The following MUC5B variants were observed in gnomAD, a reference collection of about 807,000 sequenced individuals.
MUC5B encodes the protein mucin 5B, oligomeric mucus/gel-forming, also known as mucin-5B.
A neutral mutation model predicts 376.9 loss-of-function variants in MUC5B; 116 were observed. The observed-to-expected ratio is 0.31, with a 90% CI of 0.26 to 0.36. MUC5B has a LOEUF of 0.36. MUC5B is among the 10% of genes least tolerant of loss of function. MUC5B has a pLI of 1.00. For synonymous variants in MUC5B, 3,517 were observed against 3,390.9 expected (o/e 1.04, Z -1.29); for missense variants, 7,165 against 7,769.9 (o/e 0.92, Z 2.93).
rs541165321 is a variant in MUC5B at position 1,240,036 on chromosome 11, C to T, written c.3729-9C>T. The T allele has an allele frequency of 3.2e-6, 5 of 1,584,638 alleles. No individual in the cohort carries two copies. Among genetic ancestry groups the T allele is most frequent in the East Asian group, 2.2e-5 (1 of 44,644 alleles). On this transcript the variant is annotated splice_polypyrimidine_tract_variant and intron_variant, in intron 28 of 48. Transcript: ENST00000529681. ...CCAGGCCCTCAGCTCGCCTCTCCCC[C>T]ACCCCTAGTAACTGCACACCCAGTG...
chr11:1,261,205 C>G (rs1355328259), intron 48 of MUC5B, among the ~76,000 whole-genome samples, 184 bp from the exon 49 acceptor site: 2 of 152,198 alleles, frequency 1.3e-5, no homozygotes, highest in Non-Finnish European at 2.9e-5. Flanking sequence ...GCCAAGGGAC[C>G]CTGGGGGCCC....
rs567562795 is a variant in MUC5B, at chr11:1,241,355, C to T, written c.4475C>T (p.Thr1492Met). The change falls in exon 31 of 49, where the codon ACG becomes ATG. Residue 1492 changes from threonine (T) to methionine (M), a missense_variant. Physicochemically the swap from Thr to Met is moderately conservative, Grantham distance 81. Transcript: ENST00000529681. ...ACTGGGTCCAGCTCAGGCCCCGTGA[C>T]GGTCACCCCCTCGGCCCCAGGTACC... ...SQTGSSSGPV[T>M]VTPSAPGTTT... The T allele has an allele frequency of 4.7e-5, 76 of 1,612,326 alleles. No homozygotes were observed. The Middle Eastern group carries it at 9.9e-4, about 21-fold the overall frequency.
intron 14 of MUC5B, among the ~76,000 whole-genome samples, 173 bp from the exon 15 acceptor site, chr11:1,231,823 G>A (rs1020442928): frequency 2.6e-5 from 4 of 152,184 alleles, no homozygotes; most frequent in Non-Finnish European, 5.9e-5. Flanking sequence ...CACAGGGGCC[G>A]ACTGCACAGG....
In MUC5B at chr11:1,244,647, C is replaced by A; in HGVS notation, c.7767C>A (p.Ala2589=). 1 of 1,613,676 alleles carries A rather than the reference C, an allele frequency of 6.2e-7. No homozygotes were observed. The highest frequency in any genetic ancestry group is 8.5e-7 in the Non-Finnish European group (1 of 1,179,764). Residue 2589 remains alanine, a synonymous_variant, in exon 31 of 49, where the codon GCC becomes GCA. Transcript: ENST00000529681. ...CCACCACGGCCACCACAACCGGGGCCACCGGCTCTGTGGCCACCCCCTCCT... is the reference window on the plus strand; with the variant it reads ...CCACCACGGCCACCACAACCGGGGCAACCGGCTCTGTGGCCACCCCCTCCT... ...VLTTTATTTG[A]TGSVATPSST... is the part of the protein sequence containing the mutation.
Position 1,244,980 on chromosome 11 carries a change from C to G in MUC5B, c.8100C>G (p.Thr2700=), listed in dbSNP as rs372945079. Residue 2700 remains threonine, a synonymous_variant, in exon 31 of 49, where the codon ACC becomes ACG. Coordinates refer to ENST00000529681, the MANE Select transcript of MUC5B (RefSeq NM_002458.3). ...LTTTATTITA[T]GSTTNPSSTP... is the part of the protein sequence containing the mutation. ...CCACGGCCACTACGATCACGGCCACCGGCTCCACCACCAACCCCTCCTCAA... is the reference window on the plus strand; with the variant it reads ...CCACGGCCACTACGATCACGGCCACGGGCTCCACCACCAACCCCTCCTCAA... 3 of 1,557,218 alleles carry G rather than the reference C, an allele frequency of 1.9e-6. No individual in the cohort carries two copies. The highest frequency in any genetic ancestry group is 2.6e-6 in the Non-Finnish European group (3 of 1,150,588).
chr11:1,242,280 C>G lies in MUC5B; in HGVS notation c.5400C>G (p.Thr1800=), dbSNP rs908353113. 11 of 1,613,804 alleles carry G rather than the reference C, an allele frequency of 6.8e-6. No individual in the cohort carries two copies. In the African/African-American group the frequency reaches 1.2e-4, roughly 18 times the overall value. ...WTEWFDVDFP[T]SGVAGGDMET... ...AGTGGTTTGACGTGGACTTCCCAAC[C>G]TCAGGGGTTGCAGGCGGGGACATGG... is the stretch of plus-strand genomic sequence containing the variant. The change falls in exon 31 of 49, where the codon ACC becomes ACG. Residue 1800 remains threonine (T), a synonymous_variant. Coordinates refer to ENST00000529681, the MANE Select transcript of MUC5B (RefSeq NM_002458.3).
chr11:1,252,325 T>C lies in MUC5B; in HGVS notation c.14864-18T>C, dbSNP rs773805977. On this transcript the variant is annotated intron_variant, in intron 31 of 48. Transcript: ENST00000529681. ...TCTCTGGGAGTGGCTTATCTTTCTA[T>C]GGTGTTGTTCTTCACAGGGGAAGTC... 2 of 1,528,918 alleles carry C rather than the reference T, an allele frequency of 1.3e-6. No individual in the cohort carries two copies. Among genetic ancestry groups the C allele is most frequent in the Non-Finnish European group, 1.8e-6 (2 of 1,136,324 alleles). 94.7% of individuals were successfully genotyped at this position (1,528,918 alleles called of 1,614,324 possible). A position where few individuals can be genotyped will look rare whatever the true frequency, so the allele number is the denominator to read the frequency against.
In MUC5B at chr11:1,246,393, C is replaced by A; in HGVS notation, c.9513C>A (p.Ala3171=). The change falls in exon 31 of 49, where the codon GCC becomes GCA. Residue 3171 remains alanine, a synonymous_variant. Transcript: ENST00000529681. ...TWILTEPSTT[A]TVTVPTGSTA... ...TCCTCACAGAGCCCAGCACTACAGC[C>A]ACCGTGACGGTGCCCACCGGATCCA... The A allele has an allele frequency of 1.2e-6, 2 of 1,613,648 alleles. No homozygotes were observed. The highest frequency in any genetic ancestry group is 1.7e-6 in the Non-Finnish European group (2 of 1,179,796).
chr11:1,236,356 G>A (rs769881827), intron 23 of MUC5B, 30 bp from the exon 24 acceptor site: 27 of 1,582,660 alleles, frequency 1.7e-5, no homozygotes, highest in Middle Eastern at 1.7e-4. Flanking sequence ...CCACAGGGTC[G>A]GCTTCCGGCA....
In MUC5B at chr11:1,245,818, A is replaced by G; in HGVS notation, c.8938A>G (p.Thr2980Ala). 1 of 1,613,372 alleles carries G rather than the reference A, an allele frequency of 6.2e-7. No homozygotes were observed. Among genetic ancestry groups the G allele is most frequent in the Non-Finnish European group, 8.5e-7 (1 of 1,179,802 alleles). ...HCPSTPATSS[T>A]ATPSSTPGTT... ...CCCCAGCACCCCGGCCACCAGCTCTACGGCCACGCCCTCCTCCACTCCAGG... is the reference window on the plus strand; with the variant it reads ...CCCCAGCACCCCGGCCACCAGCTCTGCGGCCACGCCCTCCTCCACTCCAGG... Residue 2980 changes from threonine (T) to alanine (A), a missense_variant, in exon 31 of 49, where the codon ACG becomes GCG. Thr to Ala is a moderately conservative substitution (Grantham distance 58). Transcript: ENST00000529681.
At position 1,223,159 on chromosome 11, in the gene MUC5B, G is replaced by A; in HGVS notation, c.36G>A (p.Leu12=). Residue 12 remains leucine, a synonymous_variant, in exon 1 of 49, where the codon TTG becomes TTA. Transcript: ENST00000529681. ...GAPSACRTLV[L]ALAAMLVVPQ... ...CGAGCGCGTGCCGGACGCTGGTGTT[G>A]GCTCTGGCGGCCATGCTCGTGGTGC... is the stretch of plus-strand genomic sequence containing the variant. 5.7e-6 allele frequency: 4 copies of A among 707,166 alleles called. No homozygotes were observed. The highest frequency in any genetic ancestry group is 3.0e-5 in the South Asian group (2 of 67,496). The allele number at this position is 707,166 out of a possible 1,614,324, so 43.8% of individuals were successfully genotyped here.
At position 1,251,334 on chromosome 11, in the gene MUC5B, C is replaced by A; in HGVS notation, c.14454C>A (p.Ile4818=). The A allele has an allele frequency of 6.2e-7, 1 of 1,611,026 alleles. No homozygotes were observed. The highest frequency in any genetic ancestry group is 8.5e-7 in the Non-Finnish European group (1 of 1,177,986). The part of the protein sequence containing the change: ...TPSSTLGTTR[I]LTELTTTATT... ...CCTCCACTCTGGGGACGACCCGGAT[C>A]CTCACTGAGCTGACCACAACAGCCA... is the stretch of plus-strand genomic sequence containing the variant. The change falls in exon 31 of 49, where the codon ATC becomes ATA. Residue 4818 remains isoleucine, a synonymous_variant. Transcript: ENST00000529681.
rs756531705 is a variant in MUC5B, at chr11:1,254,801, G to A, written c.15585G>A (p.Val5195=). The change falls in exon 35 of 49, where the codon GTG becomes GTA. Residue 5195 remains valine (V), a synonymous_variant. Transcript: ENST00000529681. ...TMRVDIPALG[V]SVTFNGQVFQ... ...GTGTGGACATTCCTGCCCTGGGCGTGAGCGTCACCTTCAATGGCCAAGTCT... is the reference window on the plus strand; with the variant it reads ...GTGTGGACATTCCTGCCCTGGGCGTAAGCGTCACCTTCAATGGCCAAGTCT... 6 of 1,612,620 alleles carry A rather than the reference G, an allele frequency of 3.7e-6. No homozygotes were observed. In the African/African-American group the frequency reaches 4.0e-5, roughly 11 times the overall value.
rs1215635897 is a variant in MUC5B at position 1,241,061 on chromosome 11, G to A, written c.4181G>A (p.Gly1394Asp). Residue 1394 changes from glycine (G) to aspartate (D), a missense_variant, in exon 31 of 49, where the codon GGC (glycine) becomes GAC (aspartate). Physicochemically the swap from Gly to Asp is moderately conservative, Grantham distance 94 (BLOSUM62 -1). Around this residue, in one of 31 missense-constraint regions of MUC5B, gnomAD observed 517 missense variants for 545.3 expected, o/e 0.95. Transcript: ENST00000529681. ...QLPDMPLEEL[G>D]QQVDCDRMRG... is the part of the protein sequence containing the mutation. ...CCCGACATGCCGCTGGAGGAGCTGG[G>A]CCAGCAGGTGGACTGTGACCGCATG... is the stretch of plus-strand genomic sequence containing the variant. The A allele has an allele frequency of 1.2e-6, 2 of 1,612,464 alleles. No individual in the cohort carries two copies. The highest frequency in any genetic ancestry group is 3.3e-5 in the Admixed American group (2 of 59,992).
rs114261670 is a variant in MUC5B, at chr11:1,255,080, G to A, written c.15704G>A (p.Arg5235Gln). The A allele has an allele frequency of 1.2e-5, 19 of 1,595,418 alleles. No individual in the cohort carries two copies. The highest frequency in any genetic ancestry group is 2.7e-5 in the African/African-American group (2 of 74,598). Residue 5235 changes from arginine to glutamine, a missense_variant, in exon 36 of 49, where the codon CGG (arginine) becomes CAG (glutamine). Transcript: ENST00000529681. ...AACCAGAGGGACGACTGTCTCCAGC[G>A]GGACGGAACCACTGCCGCCAGTTGC... ...TNNQRDDCLQ[R>Q]DGTTAASCKD... is the part of the protein sequence containing the mutation.
At chr11:1,226,424 C>T (rs1861883651) in intron 3 of MUC5B, 148 bp downstream of exon 3, 2 of 1,290,058 alleles carry the variant, frequency 1.6e-6, no homozygotes, top group South Asian at 2.6e-5. Flanking sequence ...TGGTCACTGG[C>T]CACCCTGGGG....
chr11:1,260,353 G>A lies in MUC5B; in HGVS notation c.16926G>A (p.Gly5642=), dbSNP rs1862967018. ...ASCPDVSSCR[G]SLRKTGCCYS... ...CCCCTGTCTTTGGCCCCCACCAGGG[G>A]AGCCTCAGGAAAACCGGCTGCTGCT... The change falls in exon 47 of 49, where the codon GGG becomes GGA. Residue 5642 remains glycine, a splice_region_variant and synonymous_variant. Transcript: ENST00000529681. 5.0e-6 allele frequency: 8 copies of A among 1,612,378 alleles called. No homozygotes were observed. Among genetic ancestry groups the A allele is most frequent in the Non-Finnish European group, 6.8e-6 (8 of 1,179,770 alleles).
rs1863006109 is a variant in MUC5B at position 1,261,911 on chromosome 11, T to G, written c.*303T>G. 2 of 623,066 alleles carry G rather than the reference T, an allele frequency of 3.2e-6. No individual in the cohort carries two copies. Among genetic ancestry groups the G allele is most frequent in the Non-Finnish European group, 6.0e-6 (2 of 333,922 alleles). The allele number at this position is 623,066 out of a possible 1,614,324, so 38.6% of individuals were successfully genotyped here. On this transcript the variant is annotated 3_prime_UTR_variant, in exon 49 of 49. Coordinates refer to ENST00000529681, the MANE Select transcript of MUC5B (RefSeq NM_002458.3). ...GGAACAAACTAAGCATGTGCGGGCCTATGTGTCCCTGCCACGGCCGGAGCG... is the reference window on the plus strand; with the variant it reads ...GGAACAAACTAAGCATGTGCGGGCCGATGTGTCCCTGCCACGGCCGGAGCG...
chr11:1,240,035 C>T lies in MUC5B; in HGVS notation c.3729-10C>T. On this transcript the variant is annotated splice_polypyrimidine_tract_variant and intron_variant, in intron 28 of 48. Coordinates refer to ENST00000529681, the MANE Select transcript of MUC5B (RefSeq NM_002458.3). ...CCCAGGCCCTCAGCTCGCCTCTCCCCCACCCCTAGTAACTGCACACCCAGT... is the reference window on the plus strand; with the variant it reads ...CCCAGGCCCTCAGCTCGCCTCTCCCTCACCCCTAGTAACTGCACACCCAGT... 2 of 1,584,792 alleles carry T rather than the reference C, an allele frequency of 1.3e-6. No homozygotes were observed. The highest frequency in any genetic ancestry group is 1.7e-6 in the Non-Finnish European group (2 of 1,164,984).
Sources: gnomAD v4.1 joint callset for allele counts (sites outside exome capture counted in the v4.1 genomes callset) on GRCh38, gnomAD v4.1.1 for gene constraint, gnomAD v4.1.1 regional missense constraint, MANE v1.5 for transcripts, NCBI Gene and HGNC (gene_info 2026-07-23, HGNC 2026-07-21) for gene names.